The following DCAF1 variants were observed in gnomAD, a reference collection of about 807,000 sequenced individuals.
DCAF1 encodes the protein DDB1- and CUL4-associated factor 1.
A neutral mutation model predicts 128.0 loss-of-function variants in DCAF1; 15 were observed. The ratio of observed to expected loss-of-function variants is 0.12; its 90% CI spans 0.08 to 0.18. The LOEUF is 0.18. DCAF1 is among the 10% of genes least tolerant of loss of function. The probability of loss-of-function intolerance (pLI) is 1.00; values close to 1 mark genes in which losing one functional copy is unlikely to be tolerated. For synonymous variants in DCAF1, 610 were observed against 603.0 expected (o/e 1.01, Z -0.17); for missense variants, 988 against 1,649.5 (o/e 0.60, Z 6.95).
At chr3:51,473,712 TC>T (rs1705069852) in intron 3 of DCAF1, among the ~76,000 whole-genome samples, 1 of 151,790 alleles carries the variant, frequency 6.6e-6, no homozygotes, top group Admixed American at 6.6e-5. Context: ...GGGGATTTGC[TC>T]CCCAGGCTGA....
At chr3:51,433,504 C>T (rs1700557410) in intron 9 of DCAF1, among the ~76,000 whole-genome samples, 1 of 151,764 alleles carries the variant, frequency 6.6e-6, no homozygotes, top group African/African-American at 2.4e-5. Context: ...TCTTGTTGCC[C>T]AGGCTGGAGT....
intron 3 of DCAF1, among the ~76,000 whole-genome samples, chr3:51,479,585 G>A (rs538252177): frequency 9.2e-5 from 14 of 152,054 alleles, no homozygotes; most frequent in African/African-American, 3.4e-4. Flanking sequence ...GCAGGAGATC[G>A]AGACCATCCT....
At chr3:51,468,770 CTTAATA>C (rs1435737369) in intron 4 of DCAF1, among the ~76,000 whole-genome samples, 1 of 152,076 alleles carries the variant, frequency 6.6e-6, no homozygotes, top group African/African-American at 2.4e-5. Context: ...ACAAATATTG[CTTAATA>C]TTAAGAGGAA....
At position 51,403,412 on chromosome 3, in the gene DCAF1, A is replaced by G; in HGVS notation, c.4213-17T>C. 1 of 1,551,664 alleles carries G rather than the reference A, an allele frequency of 6.4e-7. No individual in the cohort carries two copies. Among genetic ancestry groups the G allele is most frequent in the Non-Finnish European group, 8.7e-7 (1 of 1,146,920 alleles). On this transcript the variant is annotated splice_polypyrimidine_tract_variant and intron_variant, in intron 23 of 24. Transcript: ENST00000684031. ...TTCCTCTTCCTGGTAAGAAAGCGTA[A>G]TGTTCATTAGTACAAACACAGAGGC... is the stretch of plus-strand genomic sequence containing the variant.
At chr3:51,471,879 A>G (rs1371500168) in intron 3 of DCAF1, among the ~76,000 whole-genome samples, 2 of 151,864 alleles carry the variant, frequency 1.3e-5, no homozygotes, top group Non-Finnish European at 2.9e-5. Context: ...CAAAAAAAAA[A>G]ACCTTCCTTT....
chr3:51,416,966 A>G, intron 17 of DCAF1, 95 bp from the exon 18 acceptor site: 2 of 1,520,582 alleles, frequency 1.3e-6, no homozygotes, highest in East Asian at 2.5e-5. Context: ...CTCTTGCACA[A>G]TCACACTCAC....
At chr3:51,425,208 T>C (rs1227843185) in intron 13 of DCAF1, among the ~76,000 whole-genome samples, 1 of 152,172 alleles carries the variant, frequency 6.6e-6, no homozygotes, top group Non-Finnish European at 1.5e-5. Flanking sequence ...CCGTGTTTCA[T>C]GCCTATAATC....
chr3:51,504,012 C>G (rs1483247897), upstream of DCAF1, among the ~76,000 whole-genome samples: 1 of 151,692 alleles, frequency 6.6e-6, no homozygotes, highest in African/African-American at 2.4e-5. Context: ...GGCCTTGGCT[C>G]CAAGCTCTCA....
At chr3:51,487,030 C>T (rs373113736) in intron 2 of DCAF1, among the ~76,000 whole-genome samples, 105 of 151,666 alleles carry the variant, frequency 6.9e-4, no homozygotes, top group African/African-American at 2.5e-3. Context: ...TGCAGTGGCA[C>T]AATCTCAGCT....
At chr3:51,473,503 A>AC (rs1316238258) in intron 3 of DCAF1, among the ~76,000 whole-genome samples, 1 of 142,150 alleles carries the variant, frequency 7.0e-6, no homozygotes, top group Admixed American at 7.0e-5. Flanking sequence ...AAAAAAAAAC[A>AC]AAAAACAAAA....
intron 23 of DCAF1, among the ~76,000 whole-genome samples, chr3:51,411,837 C>T (rs1297523251): frequency 2.6e-5 from 4 of 151,862 alleles, no homozygotes; most frequent in Non-Finnish European, 5.9e-5. Context: ...AGGATGAGTG[C>T]GGTGGCTCAT....
intron 8 of DCAF1, 109 bp downstream of exon 8, chr3:51,441,276 T>C (rs549920094): frequency 6.2e-4 from 860 of 1,384,428 alleles, no homozygotes; most frequent in Admixed American, 1.9e-3. Flanking sequence ...CAAACCCTTG[T>C]TTGTGGTAGA....
chr3:51,469,221 ATTT>A (rs781851604), intron 4 of DCAF1, among the ~76,000 whole-genome samples: 15 of 116,712 alleles, frequency 1.3e-4, no homozygotes, highest in African/African-American at 3.9e-4. Context: ...CCACACACAA[ATTT>A]TTTTTTTTTT....
At chr3:51,469,729 G>A (rs141081965) in intron 4 of DCAF1, among the ~76,000 whole-genome samples, 1 of 152,064 alleles carries the variant, frequency 6.6e-6, no homozygotes, top group African/African-American at 2.4e-5. Flanking sequence ...GCTTTAATTA[G>A]CCCAAAATTG....
At chr3:51,475,275 T>C (rs1156450973) in intron 3 of DCAF1, among the ~76,000 whole-genome samples, 4 of 149,904 alleles carry the variant, frequency 2.7e-5, no homozygotes, top group African/African-American at 7.3e-5. Flanking sequence ...GTATCCCCAG[T>C]TGAAACTAAG....
chr3:51,451,095 T>TTA (rs1702307404), intron 6 of DCAF1, among the ~76,000 whole-genome samples: 3 of 117,902 alleles, frequency 2.5e-5, no homozygotes, highest in African/African-American at 1.0e-4. Flanking sequence ...TTTTTTTTTT[T>TTA]TTTTTTTTTT....
chr3:51,471,587 G>C (rs192629413), intron 3 of DCAF1, among the ~76,000 whole-genome samples: 3 of 152,076 alleles, frequency 2.0e-5, no homozygotes, highest in East Asian at 3.9e-4. Flanking sequence ...TCCTTTTCTT[G>C]CTGGGCATGA....
the DCAF1 span, among the ~76,000 whole-genome samples, chr3:51,505,512 C>T: frequency 6.6e-6 from 1 of 152,134 alleles, no homozygotes; most frequent in African/African-American, 2.4e-5. Context: ...TAGAGGGTGT[C>T]ATGGGCTCTT....
intron 9 of DCAF1, among the ~76,000 whole-genome samples, chr3:51,436,225 G>C (rs1275842521): frequency 1.3e-5 from 2 of 152,200 alleles, no homozygotes; most frequent in Non-Finnish European, 2.9e-5. Context: ...CTACATGAGA[G>C]GGGTAAGAAC....
Sources: allele counts gnomAD v4.1 joint callset (sites outside exome capture counted in the v4.1 genomes callset), GRCh38; gene constraint gnomAD v4.1.1; transcripts MANE v1.5; gene names NCBI Gene and HGNC (gene_info 2026-07-23, HGNC 2026-07-21).